Variants in SLC35F3 observed in about 807,000 individuals in gnomAD.
The protein encoded by SLC35F3 is putative thiamine transporter SLC35F3.
In SLC35F3, 25 loss-of-function variants were observed where a neutral mutation model predicts 49.9. That is an observed-to-expected ratio of 0.50 (90% CI 0.37 to 0.70). The LOEUF (loss-of-function observed/expected upper bound fraction) is 0.70, where lower values mean the gene tolerates loss of function less well. Ranked by LOEUF, SLC35F3 falls within the 30% of genes least tolerant of loss-of-function variation. The pLI is 0.00. For synonymous variants in SLC35F3, 275 were observed against 265.4 expected (o/e 1.04, Z -0.35); for missense variants, 525 against 639.8 (o/e 0.82, Z 1.94).
At chr1:234,229,647 CT>C (rs1436707681) in intron 2 of SLC35F3, among the ~76,000 whole-genome samples, 2 of 152,058 alleles carry the variant, frequency 1.3e-5, no homozygotes, top group African/African-American at 2.4e-5. Context: ...TTTTTGTGAA[CT>C]TTTTTTTCAT....
chr1:234,211,029 G>A lies in SLC35F3; in HGVS notation c.284-20388G>A, dbSNP rs999723678. ...GGACTTTGTGCCCTGCATCCGAGCT[G>A]CTCCAGCAGTAGCTGAAAGGGGCCA... On this transcript the variant is annotated intron_variant, in intron 2 of 7. Coordinates refer to ENST00000366618, the MANE Select transcript of SLC35F3 (RefSeq NM_173508.4). Among the ~76,000 whole-genome samples, 4 of 152,364 alleles carry A rather than the reference G, an allele frequency of 2.6e-5. 1 individual carries two copies. Among genetic ancestry groups the A allele is most frequent in the Middle Eastern group, 6.8e-3 (2 of 292 alleles).
chr1:234,221,392 C>T (rs184990926), intron 2 of SLC35F3, among the ~76,000 whole-genome samples: 17 of 152,114 alleles, frequency 1.1e-4, no homozygotes, highest in Admixed American at 9.2e-4. Context: ...GGCAGCATAC[C>T]GGGGAGGAAG....
At chr1:233,963,504 T>C (rs938014595) in intron 2 of SLC35F3, among the ~76,000 whole-genome samples, 3 of 152,124 alleles carry the variant, frequency 2.0e-5, no homozygotes, top group Admixed American at 2.0e-4. Flanking sequence ...GGTTTCACCA[T>C]GTTAGCCAGG....
In SLC35F3 at chr1:234,076,451, A is replaced by C. The variant is rs141522674; in HGVS notation, c.284-154966A>C. Among the ~76,000 whole-genome samples the C allele has an allele frequency of 3.1e-3, 472 of 150,654 alleles. 2 individuals carry two copies. Among genetic ancestry groups the C allele is most frequent in the Middle Eastern group, 0.014 (4 of 294 alleles). ...TGTCTCTCTCTACAAAAATAATAAT[A>C]ATCATCATAATAATTTTTTTTTTTT... On this transcript the variant is annotated intron_variant, in intron 2 of 7. Coordinates refer to ENST00000366618, the MANE Select transcript of SLC35F3 (RefSeq NM_173508.4).
At chr1:234,106,859 C>T (rs1473587606) in intron 2 of SLC35F3, among the ~76,000 whole-genome samples, 1 of 152,148 alleles carries the variant, frequency 6.6e-6, no homozygotes, top group Non-Finnish European at 1.5e-5. Flanking sequence ...GGCCAAGTGG[C>T]AGAATGAAGA....
chr1:234,151,313 C>T (rs1666073298), intron 2 of SLC35F3, among the ~76,000 whole-genome samples: 1 of 150,990 alleles, frequency 6.6e-6, no homozygotes, highest in Admixed American at 6.6e-5. Context: ...TTCCTGAGCC[C>T]CATCTCATTC....
rs903598841 is a variant in SLC35F3, at chr1:234,214,642, G to T, written c.284-16775G>T. 5 of 1,475,980 alleles carry T rather than the reference G, an allele frequency of 3.4e-6. No homozygotes were observed. The highest frequency in any genetic ancestry group is 2.7e-6 in the Non-Finnish European group (3 of 1,107,734). 91.4% of individuals were successfully genotyped at this position (1,475,980 alleles called of 1,614,324 possible). ...CCGGGGAATGCTGCCACCCTGAGGG[G>T]GGCTGTCTGGCTGCGGGGCGCCGGG... is the stretch of plus-strand genomic sequence containing the variant. On this transcript the variant is annotated intron_variant, in intron 2 of 7. Coordinates refer to ENST00000366618, the MANE Select transcript of SLC35F3 (RefSeq NM_173508.4). This position sits in a 1 kb window ranked among gnomAD's most constrained non-coding sequence, Gnocchi z 8.0.
chr1:234,248,270 A>G (rs58582120), intron 3 of SLC35F3, among the ~76,000 whole-genome samples: 1 of 56,316 alleles, frequency 1.8e-5, no homozygotes, highest in African/African-American at 7.4e-5. Flanking sequence ...TTGATGGGTC[A>G]GTTGGCTGGT....
intron 2 of SLC35F3, among the ~76,000 whole-genome samples, chr1:234,118,121 T>A (rs746089917): frequency 3.9e-5 from 6 of 152,048 alleles, no homozygotes; most frequent in Admixed American, 2.0e-4. Flanking sequence ...GTTTTATTTT[T>A]AAAAATCTAG....
intron 4 of SLC35F3, among the ~76,000 whole-genome samples, chr1:234,310,321 C>T (rs552191257): frequency 3.3e-5 from 5 of 152,318 alleles, no homozygotes; most frequent in African/African-American, 1.2e-4. Context: ...CCTCTACTTC[C>T]GTCCTTCCCT....
At chr1:233,944,796 C>T (rs1263704494) in intron 2 of SLC35F3, among the ~76,000 whole-genome samples, 1 of 152,122 alleles carries the variant, frequency 6.6e-6, no homozygotes, top group Non-Finnish European at 1.5e-5. Context: ...TGGTACAAGT[C>T]TATTGCCAAG....
chr1:233,955,946 G>A (rs1184355070), intron 2 of SLC35F3, among the ~76,000 whole-genome samples: 1 of 138,682 alleles, frequency 7.2e-6, no homozygotes, highest in East Asian at 2.2e-4. Context: ...GGAGTGCAGT[G>A]GCGTGATCTC....
chr1:234,238,827 TGCTATTCATCTTTGAACAGAAATCAA>T (rs1339613638), intron 3 of SLC35F3, among the ~76,000 whole-genome samples: 1 of 152,260 alleles, frequency 6.6e-6, no homozygotes, highest in Non-Finnish European at 1.5e-5. Context: ...TATCTGAGAT[TGCTATTCATCTTTGAACAGAAATCAA>T]GGATATGGCT....
chr1:234,015,236 T>G (rs997019934), intron 2 of SLC35F3, among the ~76,000 whole-genome samples: 2 of 151,742 alleles, frequency 1.3e-5, no homozygotes, highest in African/African-American at 4.8e-5. Context: ...TAATCCCAGT[T>G]ACTTGAGAGG....
intron 2 of SLC35F3, among the ~76,000 whole-genome samples, chr1:233,939,203 G>A (rs1323312533): frequency 6.6e-6 from 1 of 152,294 alleles, no homozygotes; most frequent in Admixed American, 6.5e-5. Flanking sequence ...TGTAATCCCA[G>A]TACTTTGGGA....
At chr1:234,280,806 C>T (rs1668312310) in intron 3 of SLC35F3, among the ~76,000 whole-genome samples, 1 of 152,170 alleles carries the variant, frequency 6.6e-6, no homozygotes. Context: ...GAAACTGAGG[C>T]TCAGAGAGAT....
At chr1:233,954,884 C>G (rs1662670615) in intron 2 of SLC35F3, among the ~76,000 whole-genome samples, 1 of 152,130 alleles carries the variant, frequency 6.6e-6, no homozygotes, top group Admixed American at 6.5e-5. Flanking sequence ...CACTCTGTTG[C>G]CCAGCCTGGA....
intron 2 of SLC35F3, among the ~76,000 whole-genome samples, chr1:233,915,002 G>A (rs1242203195): frequency 6.6e-6 from 1 of 152,196 alleles, no homozygotes; most frequent in Non-Finnish European, 1.5e-5. Context: ...TGAGATTGGA[G>A]GAAACGAATT....
At chr1:234,063,727 T>C (rs1422689048) in intron 2 of SLC35F3, among the ~76,000 whole-genome samples, 1 of 152,186 alleles carries the variant, frequency 6.6e-6, no homozygotes, top group Non-Finnish European at 1.5e-5. Flanking sequence ...CTTTTAATAT[T>C]TAACTTAACC....
Sources: allele counts gnomAD v4.1 joint callset (sites outside exome capture counted in the v4.1 genomes callset), GRCh38; gene constraint gnomAD v4.1.1; non-coding constraint Gnocchi (gnomAD v3.1); transcripts MANE v1.5; gene names NCBI Gene and HGNC (gene_info 2026-07-23, HGNC 2026-07-21).